ACOX1: variants seen among roughly 807,000 people sequenced by gnomAD.
ACOX1 encodes peroxisomal acyl-coenzyme A oxidase 1.
A neutral mutation model predicts 75.5 loss-of-function variants in ACOX1; 41 were observed. That is an observed-to-expected ratio of 0.54 (90% CI 0.42 to 0.70). The LOEUF (loss-of-function observed/expected upper bound fraction) is 0.70. Ranked by LOEUF, ACOX1 falls within the 30% of genes least tolerant of loss-of-function variation. The pLI is 0.00. For synonymous variants in ACOX1, 303 were observed against 298.8 expected, an observed-to-expected ratio of 1.01 and a Z score of -0.15; for missense variants, 630 against 837.5, an observed-to-expected ratio of 0.75 and a Z score of 3.06.
chr17:75,974,421 C>G (rs2066025074), intron 2 of ACOX1, among the ~76,000 whole-genome samples: 1 of 152,174 alleles, frequency 6.6e-6, no homozygotes, highest in African/African-American at 2.4e-5. Flanking sequence ...TACGGATTAA[C>G]TCTACATCAC....
At position 75,974,050 on chromosome 17, in the gene ACOX1, C is replaced by T. The variant is rs59571217; in HGVS notation, c.269+4484G>A. 0.18 allele frequency among the ~76,000 whole-genome samples: 27,480 copies of T among 151,946 alleles called. 2,975 individuals carry two copies. The highest frequency in any genetic ancestry group is 0.31 in the African/African-American group (12,864 of 41,420). ...ATTTAATCCACTAAGCAAATTCTAC[C>T]TAAGTTTTAGCATAAAAACTTCTCT... On this transcript the variant is annotated intron_variant, in intron 2 of 13. Transcript: ENST00000293217.
chr17:75,972,359 G>T (rs575345483), intron 2 of ACOX1, among the ~76,000 whole-genome samples: 1 of 147,058 alleles, frequency 6.8e-6, no homozygotes, highest in Admixed American at 6.8e-5. Context: ...GGATCTGTCA[G>T]CCAGGCGCGG....
chr17:75,960,420 A>T lies in ACOX1; in HGVS notation c.270-45T>A. The T allele has an allele frequency of 6.3e-7, 1 of 1,597,272 alleles. No homozygotes were observed. The highest frequency in any genetic ancestry group is 2.2e-5 in the East Asian group (1 of 44,750). ...ATGGGCATTTGAGAGAAGAGTCATC[A>T]GGTGTGAGAGAATCAGCAATTTAAA... On this transcript the variant is annotated intron_variant, in intron 2 of 13. Coordinates refer to ENST00000293217, the MANE Select transcript of ACOX1 (RefSeq NM_004035.7). This position sits in a 1 kb window ranked among gnomAD's most constrained non-coding sequence, Gnocchi z 4.4.
At chr17:75,974,632 C>A (rs979155325) in intron 2 of ACOX1, among the ~76,000 whole-genome samples, 4 of 152,166 alleles carry the variant, frequency 2.6e-5, no homozygotes, top group Non-Finnish European at 5.9e-5. Flanking sequence ...AATGTTACTA[C>A]CAGTTTATCC....
chr17:75,979,067 G>A lies in ACOX1; in HGVS notation c.7C>T (p.Pro3Ser), dbSNP rs1200208366. The stretch of plus-strand genomic sequence containing the variant: ...GAATCCCGCTCCCTGCGCAGGTCCG[G>A]GTTCATGGCGACGACCAGCTGGCAG... Reference protein sequence around the residue: MNPDLRRERDSAS... With the variant: MNSDLRRERDSAS... The change falls in exon 1 of 14, where the codon CCG (proline) becomes TCG (serine). Residue 3 changes from proline (P) to serine (S), a missense_variant. Physicochemically the swap from Pro to Ser is moderately conservative, Grantham distance 74. Coordinates refer to ENST00000293217, the MANE Select transcript of ACOX1 (RefSeq NM_004035.7). The A allele has an allele frequency of 6.2e-7, 1 of 1,611,630 alleles. No individual in the cohort carries two copies. Among genetic ancestry groups the A allele is most frequent in the South Asian group, 1.1e-5 (1 of 91,084 alleles).
At chr17:75,949,465 G>T (rs1372169662) in intron 11 of ACOX1, 30 bp downstream of exon 11, 2 of 1,611,974 alleles carry the variant, frequency 1.2e-6, no homozygotes, top group African/African-American at 2.7e-5. Flanking sequence ...TGAGGGCAGG[G>T]AAGGGGAAAA....
intron 6 of ACOX1, 105 bp from the exon 7 acceptor site, chr17:75,953,725 G>A: frequency 1.5e-6 from 2 of 1,348,136 alleles, no homozygotes; most frequent in East Asian, 4.7e-5. Context: ...GCATCACCTG[G>A]CAACTTGCAT....
chr17:75,951,729 C>G (rs1183829637), intron 7 of ACOX1, 152 bp from the exon 8 acceptor site: 5 of 676,912 alleles, frequency 7.4e-6, no homozygotes, highest in Non-Finnish European at 1.2e-5. Context: ...CTCCATTTTA[C>G]AAATGGGAAA....
At chr17:75,948,115 G>T in intron 13 of ACOX1, 136 bp downstream of exon 13, 1 of 848,780 alleles carries the variant, frequency 1.2e-6, no homozygotes, top group Non-Finnish European at 2.0e-6. Flanking sequence ...TGAACCTGTT[G>T]CTCAAATAAA....
chr17:75,971,246 G>A (rs189933972), intron 2 of ACOX1, among the ~76,000 whole-genome samples: 3 of 148,570 alleles, frequency 2.0e-5, no homozygotes, highest in East Asian at 4.0e-4. Flanking sequence ...AGCCGAGATC[G>A]CGCCATTGCA....
intron 13 of ACOX1, 139 bp from the exon 14 acceptor site, chr17:75,946,934 T>C (rs2065725878): frequency 1.3e-6 from 1 of 774,016 alleles, no homozygotes; most frequent in African/African-American, 1.8e-5. Flanking sequence ...AGTGGCACAA[T>C]CTTGGCTCAC....
In ACOX1 at chr17:75,949,546, G is replaced by A. The variant is rs761772318; in HGVS notation, c.1533C>T (p.Ser511=). ...NLQKEVIHRK[S]KEVAWNLTSV... ...AAGTTAGGTTCCAAGCTACCTCCTT[G>A]CTTTTTCTGTGAATCACTTCTTTTT... Residue 511 remains serine, a synonymous_variant, in exon 11 of 14, where the codon AGC becomes AGT. Coordinates refer to ENST00000293217, the MANE Select transcript of ACOX1 (RefSeq NM_004035.7). 1.9e-6 allele frequency: 3 copies of A among 1,614,064 alleles called. No homozygotes were observed. In the African/African-American group the frequency reaches 4.0e-5, roughly 22 times the overall value.
chr17:75,972,364 G>A (rs2066004655), intron 2 of ACOX1, among the ~76,000 whole-genome samples: 1 of 149,654 alleles, frequency 6.7e-6, no homozygotes, highest in Non-Finnish European at 1.5e-5. Flanking sequence ...TGTCAGCCAG[G>A]CGCGGTGGCT....
At chr17:75,964,396 A>T (rs56140816) in intron 2 of ACOX1, among the ~76,000 whole-genome samples, 4 of 152,002 alleles carry the variant, frequency 2.6e-5, no homozygotes, top group Non-Finnish European at 5.9e-5. Flanking sequence ...ATGGAAGGTT[A>T]TTTTACTTCA....
rs140541455 is a variant in ACOX1 at position 75,973,625 on chromosome 17, C to T, written c.269+4909G>A. On this transcript the variant is annotated intron_variant, in intron 2 of 13. Coordinates refer to ENST00000293217, the MANE Select transcript of ACOX1 (RefSeq NM_004035.7). ...CCACAGACCCTCAATGTGGACTAAC[C>T]GTGGCCCATTTCCGTCTGGGCGTAG... The T allele has an allele frequency of 1.9e-5, 31 of 1,614,038 alleles. No homozygotes were observed. Among genetic ancestry groups the T allele is most frequent in the African/African-American group, 9.3e-5 (7 of 74,928 alleles).
intron 7 of ACOX1, among the ~76,000 whole-genome samples, chr17:75,952,843 A>AAG (rs1291564582): frequency 6.6e-6 from 1 of 151,432 alleles, no homozygotes; most frequent in African/African-American, 2.4e-5. Flanking sequence ...AAAAAAAAAA[A>AAG]AAAGAAAAGA....
At chr17:75,971,344 C>G (rs1463113086) in intron 2 of ACOX1, among the ~76,000 whole-genome samples, 1 of 151,906 alleles carries the variant, frequency 6.6e-6, no homozygotes, top group Admixed American at 6.6e-5. Context: ...AACGAAAACT[C>G]TAACAAATGC....
chr17:75,973,654 C>T (rs774306600), intron 2 of ACOX1: 1 of 1,614,080 alleles, frequency 6.2e-7, no homozygotes, highest in Non-Finnish European at 8.5e-7. Context: ...GGCGTAGGTG[C>T]CAATTATCTG....
In ACOX1 at chr17:75,978,804, A is replaced by C. The variant is rs1473678466; in HGVS notation, c.110-111T>G. The C allele has an allele frequency of 2.5e-6, 4 of 1,604,462 alleles. No homozygotes were observed. Among genetic ancestry groups the C allele is most frequent in the Non-Finnish European group, 3.4e-6 (4 of 1,178,834 alleles). On this transcript the variant is annotated intron_variant, in intron 1 of 13. Transcript: ENST00000293217. This position sits in a 1 kb window ranked among gnomAD's most constrained non-coding sequence, Gnocchi z 4.2. ...TCGCGGACACACCTGGGGAATGGCG[A>C]TATCCCCCCACCAGGGACACAGGCT... is the stretch of plus-strand genomic sequence containing the variant.
Sources: gnomAD v4.1 joint callset for allele counts (sites outside exome capture counted in the v4.1 genomes callset) on GRCh38, gnomAD v4.1.1 for gene constraint, Gnocchi (gnomAD v3.1) non-coding constraint, MANE v1.5 for transcripts, NCBI Gene and HGNC (gene_info 2026-07-23, HGNC 2026-07-21) for gene names.